Variants in PKD1L3 observed in about 807,000 individuals in gnomAD.
PKD1L3 encodes polycystin 1 like 3, transient receptor potential channel interacting.
A neutral mutation model predicts 184.1 loss-of-function variants in PKD1L3; 239 were observed. That is an observed-to-expected ratio of 1.30 (90% confidence interval 1.17 to 1.45). The LOEUF (loss-of-function observed/expected upper bound fraction) is 1.45. PKD1L3 is among the 40% of genes most tolerant of loss of function. The pLI, the probability that PKD1L3 is intolerant of heterozygous loss-of-function variation, is 0.00. For synonymous variants in PKD1L3, 996 were observed against 778.8 expected (o/e 1.28, Z -4.64); for missense variants, 2,660 against 2,067.2 (o/e 1.29, Z -5.56).
rs35311851 is a variant in PKD1L3, at chr16:71,964,849, AT to A, written c.2466-1499del. On this transcript the variant is annotated intron_variant, in intron 15 of 29. Transcript: ENST00000620267. ...ATATGCTCTCTCTCTATATATATGT[AT>A]TTTTTTTTTTTTTTGAGGCAGGATC... is the stretch of plus-strand genomic sequence containing the variant. Among the ~76,000 whole-genome samples, 273 of 137,526 alleles carry A rather than the reference AT, an allele frequency of 2.0e-3. 1 individual carries two copies. Among genetic ancestry groups the A allele is most frequent in the African/African-American group, 2.3e-3 (84 of 36,944 alleles). The allele number at this position is 137,526 out of a possible 152,430, so 90.2% of individuals were successfully genotyped here. A position where few individuals can be genotyped will look rare whatever the true frequency, so the allele number is the denominator to read the frequency against.
At chr16:71,959,541 A>G (rs922975668) in intron 16 of PKD1L3, among the ~76,000 whole-genome samples, 4 of 152,234 alleles carry the variant, frequency 2.6e-5, no homozygotes, top group Admixed American at 2.0e-4. Context: ...TGCATCTAAA[A>G]ACAAAATGGT....
At chr16:71,953,976 G>A (rs34235351) in intron 17 of PKD1L3, 129 bp downstream of exon 17, 183,820 of 729,404 alleles carry the variant, frequency 0.25, 25,190 homozygotes, top group South Asian at 0.39. Context: ...AGCACTTCAG[G>A]AGGCTGAGGC....
intron 7 of PKD1L3, among the ~76,000 whole-genome samples, chr16:71,981,042 A>ATG (rs1184174754): frequency 6.6e-6 from 1 of 152,230 alleles, no homozygotes; most frequent in East Asian, 1.9e-4. Context: ...ATGTTGGAGC[A>ATG]TGTACCAGGA....
At chr16:71,996,521 A>G (rs995918900) in intron 2 of PKD1L3, among the ~76,000 whole-genome samples, 1 of 151,996 alleles carries the variant, frequency 6.6e-6, no homozygotes, top group Non-Finnish European at 1.5e-5. Flanking sequence ...TGGCCTCCCA[A>G]AGTGCTGGGA....
Position 71,943,010 on chromosome 16 carries a change from G to A in PKD1L3, c.3874C>T (p.Leu1292Phe). The A allele has an allele frequency of 1.9e-6, 3 of 1,549,948 alleles. No homozygotes were observed. The highest frequency in any genetic ancestry group is 2.6e-6 in the Non-Finnish European group (3 of 1,145,620). The change falls in exon 24 of 30, where the codon CTT (leucine) becomes TTT (phenylalanine). Residue 1292 changes from leucine (L) to phenylalanine (F), a missense_variant. Physicochemically the swap from Leu to Phe is conservative, Grantham distance 22. Coordinates refer to ENST00000620267, the MANE Select transcript of PKD1L3 (RefSeq NM_181536.2). ...TGDILVQILF[L>F]TLLMTAIYSA... The stretch of plus-strand genomic sequence containing the variant: ...TAGATTGCAGTCATCAACAGGGTAA[G>A]GAAGAGGATTTGTACTTGTTTAGAA...
At chr16:71,947,723 A>C in intron 21 of PKD1L3, 132 bp from the exon 22 acceptor site, 2 of 622,130 alleles carry the variant, frequency 3.2e-6, no homozygotes, top group Non-Finnish European at 5.6e-6. Flanking sequence ...TGAAAAACTA[A>C]TTTCACATTA....
At chr16:71,959,084 C>CA (rs34063785) in intron 16 of PKD1L3, among the ~76,000 whole-genome samples, 4,724 of 76,888 alleles carry the variant, frequency 0.061, 423 homozygotes, top group African/African-American at 0.23. Context: ...ACTCCCGTCT[C>CA]AAAAAAAAAA....
At chr16:71,955,422 G>C (rs1431085038) in intron 16 of PKD1L3, among the ~76,000 whole-genome samples, 1 of 152,024 alleles carries the variant, frequency 6.6e-6, no homozygotes, top group African/African-American at 2.4e-5. Context: ...GGGCTACAGA[G>C]AGACTCCATC....
At position 71,937,431 on chromosome 16, in the gene PKD1L3, A is replaced by G. The variant is rs2038218728; in HGVS notation, c.4325-12T>C. 6.5e-7 allele frequency: 1 copy of G among 1,549,668 alleles called. No individual in the cohort carries two copies. Among genetic ancestry groups the G allele is most frequent in the African/African-American group, 1.4e-5 (1 of 72,886 alleles). ...GGTGAAGAAAGCACCTGAGAATAAC[A>G]AAGAACACCTGGAGTCAAGAGTCTA... On this transcript the variant is annotated splice_polypyrimidine_tract_variant and intron_variant, in intron 24 of 29. Transcript: ENST00000620267.
At chr16:71,958,573 G>A (rs1312280725) in intron 16 of PKD1L3, among the ~76,000 whole-genome samples, 1 of 151,642 alleles carries the variant, frequency 6.6e-6, no homozygotes, top group Non-Finnish European at 1.5e-5. Context: ...CTGAGGTCAG[G>A]AGTTTGAGAC....
At chr16:71,935,241 A>T in intron 26 of PKD1L3, 117 bp downstream of exon 26, 1 of 1,136,086 alleles carries the variant, frequency 8.8e-7, no homozygotes, top group Non-Finnish European at 1.2e-6. Flanking sequence ...GTTCTCTTTT[A>T]ACTCTAATGT....
intron 15 of PKD1L3, among the ~76,000 whole-genome samples, chr16:71,965,106 C>G (rs149597824): frequency 6.6e-5 from 10 of 152,222 alleles, no homozygotes; most frequent in East Asian, 3.9e-4. Flanking sequence ...CCTTGGCCCC[C>G]CAAAGTGCTG....
Position 71,986,204 on chromosome 16 carries a change from G to A in PKD1L3, c.834+17C>T. 1.3e-6 allele frequency: 2 copies of A among 1,550,556 alleles called. No homozygotes were observed. The highest frequency in any genetic ancestry group is 1.7e-6 in the Non-Finnish European group (2 of 1,145,602). ...GGGGTCACAAAGCTACCTGTGACTT[G>A]AATTTCCCATGTTTACCTGACCAGA... On this transcript the variant is annotated intron_variant, in intron 5 of 29. Transcript: ENST00000620267.
At chr16:71,969,381 T>G (rs530666262) in intron 13 of PKD1L3, among the ~76,000 whole-genome samples, 2 of 151,462 alleles carry the variant, frequency 1.3e-5, no homozygotes, top group Admixed American at 1.3e-4. Context: ...AATAGCTCAC[T>G]GCAGCTTCAA....
At chr16:71,975,863 T>C (rs1210397827) in intron 11 of PKD1L3, among the ~76,000 whole-genome samples, 1 of 152,202 alleles carries the variant, frequency 6.6e-6, no homozygotes, top group Non-Finnish European at 1.5e-5. Flanking sequence ...TCAGTGATTG[T>C]ATTAATGTTA....
chr16:71,979,088 T>C (rs1012651756), intron 9 of PKD1L3, among the ~76,000 whole-genome samples: 4 of 152,222 alleles, frequency 2.6e-5, no homozygotes, highest in Non-Finnish European at 5.9e-5. Flanking sequence ...GAATACAATA[T>C]ATTGATATGA....
intron 5 of PKD1L3, among the ~76,000 whole-genome samples, chr16:71,984,879 A>G (rs1244296952): frequency 6.6e-6 from 1 of 152,184 alleles, no homozygotes; most frequent in Non-Finnish European, 1.5e-5. Context: ...TCCATATTCA[A>G]GAGGTAATGA....
Position 71,942,717 on chromosome 16 carries a change from G to A in PKD1L3, c.4167C>T (p.Gly1389=). ...GGCTCTTGGGACGCCCACAGGTATG[G>A]CCGTTATCACAAAACGCCAGCTGAC... ...DEGQLAFCDN[G]HTCGRPKSLF... is the part of the protein sequence containing the mutation. Residue 1389 remains glycine, a synonymous_variant, in exon 24 of 30, where the codon GGC becomes GGT. Transcript: ENST00000620267. 3 of 1,551,690 alleles carry A rather than the reference G, an allele frequency of 1.9e-6. No individual in the cohort carries two copies. Among genetic ancestry groups the A allele is most frequent in the Middle Eastern group, 1.7e-4 (1 of 5,992 alleles).
chr16:71,937,117 G>C (rs769281418), intron 25 of PKD1L3, among the ~76,000 whole-genome samples, 175 bp downstream of exon 25: 2 of 152,032 alleles, frequency 1.3e-5, no homozygotes, highest in Non-Finnish European at 2.9e-5. Flanking sequence ...GTGCAGTGGC[G>C]TGATCTTAGC....
Sources: allele counts gnomAD v4.1 joint callset (sites outside exome capture counted in the v4.1 genomes callset), GRCh38; gene constraint gnomAD v4.1.1; transcripts MANE v1.5; gene names NCBI Gene and HGNC (gene_info 2026-07-23, HGNC 2026-07-21).